The following AP1G1 variants were observed in gnomAD, a reference collection of about 807,000 sequenced individuals.
AP1G1 encodes the protein AP-1 complex subunit gamma-1.
AP1G1 carries 7 observed loss-of-function variants against 108.3 expected under a neutral mutation model. The ratio of observed to expected loss-of-function variants is 0.06; its 90% CI spans 0.04 to 0.12. The LOEUF is 0.12. Ranked by LOEUF, AP1G1 falls within the 10% of genes least tolerant of loss-of-function variation. The pLI is 1.00. For synonymous variants in AP1G1, 379 were observed against 353.5 expected (o/e 1.07, Z -0.81); for missense variants, 756 against 1,010.7 (o/e 0.75, Z 3.42).
At chr16:71,746,565 A>C in intron 17 of AP1G1, 23 bp downstream of exon 17, 1 of 1,425,968 alleles carries the variant, frequency 7.0e-7, no homozygotes, top group Non-Finnish European at 9.8e-7. Context: ...AGATACACGC[A>C]TTGCTTAGTT....
intron 1 of AP1G1, chr16:71,808,170 T>A: frequency 8.9e-7 from 1 of 1,121,982 alleles, no homozygotes; most frequent in Admixed American, 4.8e-5. Context: ...GGGTAAACAG[T>A]ATACTCGCAG....
At chr16:71,745,066 G>C (rs1407249322) in intron 19 of AP1G1, 78 bp downstream of exon 19, 4 of 1,519,924 alleles carry the variant, frequency 2.6e-6, no homozygotes, top group Non-Finnish European at 2.7e-6. Flanking sequence ...TCACGTGCTG[G>C]AAAGTCTGGG....
At chr16:71,747,829 A>G (rs1395553511) in intron 16 of AP1G1, among the ~76,000 whole-genome samples, 1 of 152,074 alleles carries the variant, frequency 6.6e-6, no homozygotes, top group Non-Finnish European at 1.5e-5. Context: ...AAAAAAATGT[A>G]AAAATTAGCC....
intron 1 of AP1G1, chr16:71,806,633 A>T: frequency 8.6e-7 from 1 of 1,160,714 alleles, no homozygotes; most frequent in Non-Finnish European, 1.1e-6. Flanking sequence ...CTTACTTGAA[A>T]AGTCTAAGTC....
chr16:71,804,010 G>A (rs1463307924), intron 1 of AP1G1, among the ~76,000 whole-genome samples: 2 of 150,414 alleles, frequency 1.3e-5, no homozygotes, highest in South Asian at 2.1e-4. Flanking sequence ...AAAGGCAACT[G>A]TAAAAATGCT....
intron 2 of AP1G1, among the ~76,000 whole-genome samples, chr16:71,783,621 C>T (rs1185518844): frequency 6.6e-6 from 1 of 151,890 alleles, no homozygotes; most frequent in Non-Finnish European, 1.5e-5. Context: ...AAGTGCAGTC[C>T]TATGCTACAC....
chr16:71,757,284 C>G (rs2030846967), intron 11 of AP1G1, among the ~76,000 whole-genome samples: 1 of 151,678 alleles, frequency 6.6e-6, no homozygotes, highest in South Asian at 2.1e-4. Context: ...AACCCTGTCT[C>G]TACTAAAAAT....
At chr16:71,770,087 T>G (rs753134919) in intron 5 of AP1G1, among the ~76,000 whole-genome samples, 20 of 152,176 alleles carry the variant, frequency 1.3e-4, no homozygotes, top group Non-Finnish European at 2.1e-4. Flanking sequence ...AAAATCTTAG[T>G]AAGATTTTAC....
At chr16:71,766,448 T>C in intron 6 of AP1G1, 2 of 468,852 alleles carry the variant, frequency 4.3e-6, no homozygotes, top group Non-Finnish European at 8.8e-6. Flanking sequence ...ATTTCATTTC[T>C]GTTGATCAAT....
intron 9 of AP1G1, among the ~76,000 whole-genome samples, chr16:71,764,094 T>C (rs575786211): frequency 6.6e-6 from 1 of 152,282 alleles, no homozygotes; most frequent in East Asian, 1.9e-4. Context: ...ATGATCAAGG[T>C]TAACGTCACC....
chr16:71,741,566 G>C (rs1597035993), intron 19 of AP1G1, among the ~76,000 whole-genome samples: 1 of 152,186 alleles, frequency 6.6e-6, no homozygotes, highest in Non-Finnish European at 1.5e-5. Flanking sequence ...CTGGGTGACA[G>C]AGCAAGACAC....
At chr16:71,789,134 C>G in intron 2 of AP1G1, 145 bp downstream of exon 2, 1 of 722,740 alleles carries the variant, frequency 1.4e-6, no homozygotes, top group Non-Finnish European at 2.3e-6. Flanking sequence ...AGGTCTGTGG[C>G]TTGCTCTCTC....
intron 1 of AP1G1, chr16:71,808,204 C>CAACA (rs10623147): frequency 0.85 from 935,490 of 1,100,890 alleles, 399,309 homozygotes; most frequent in East Asian, 0.99. Flanking sequence ...AACAAAACAA[C>CAACA]AACATATACA....
At position 71,784,216 on chromosome 16, in the gene AP1G1, CATA is replaced by C. The variant is rs367638639; in HGVS notation, c.201+5060_201+5062del. Among the ~76,000 whole-genome samples, 299 of 152,290 alleles carry C rather than the reference CATA, an allele frequency of 2.0e-3. 2 individuals are homozygous for C. Among genetic ancestry groups the C allele is most frequent in the African/African-American group, 6.7e-3 (280 of 41,560 alleles). On this transcript the variant is annotated intron_variant, in intron 2 of 22. Coordinates refer to ENST00000299980, the MANE Select transcript of AP1G1 (RefSeq NM_001128.6). ...TGTCTAACACTTATAACTTAATCTT[CATA>C]ATAACACTATAAAGTAGGCATTAAG...
chr16:71,805,736 T>A (rs916883180), intron 1 of AP1G1, among the ~76,000 whole-genome samples: 2 of 152,166 alleles, frequency 1.3e-5, no homozygotes, highest in African/African-American at 4.8e-5. Context: ...TTTAAATTTG[T>A]ATAAATTAAA....
At chr16:71,738,212 G>T (rs2010428) in intron 21 of AP1G1, among the ~76,000 whole-genome samples, 74,084 of 151,052 alleles carry the variant, frequency 0.49, 18,521 homozygotes, top group Middle Eastern at 0.65. Context: ...CATCACGCCC[G>T]GCTAATTTTT....
chr16:71,739,518 T>A (rs2045591245), intron 19 of AP1G1, among the ~76,000 whole-genome samples, 177 bp from the exon 20 acceptor site: 1 of 151,888 alleles, frequency 6.6e-6, no homozygotes, highest in African/African-American at 2.4e-5. Flanking sequence ...AACGAGCAAC[T>A]TCTGTTTATT....
chr16:71,800,905 G>A (rs2032772868), intron 1 of AP1G1, among the ~76,000 whole-genome samples: 1 of 152,164 alleles, frequency 6.6e-6, no homozygotes, highest in South Asian at 2.1e-4. Context: ...TGAGGCAGGA[G>A]AATCACTTGA....
intron 22 of AP1G1, among the ~76,000 whole-genome samples, chr16:71,734,049 A>G (rs2045503346): frequency 6.6e-6 from 1 of 152,228 alleles, no homozygotes; most frequent in Non-Finnish European, 1.5e-5. Context: ...GTTACAAGAG[A>G]AAGAAAGTAT....
Sources: allele counts gnomAD v4.1 joint callset (sites outside exome capture counted in the v4.1 genomes callset), GRCh38; gene constraint gnomAD v4.1.1; transcripts MANE v1.5; gene names NCBI Gene and HGNC (gene_info 2026-07-23, HGNC 2026-07-21).